WNK1: variants seen among roughly 807,000 people sequenced by gnomAD.
WNK1 encodes the protein WNK lysine deficient protein kinase 1, also known as serine/threonine-protein kinase WNK1.
A neutral mutation model predicts 222.8 loss-of-function variants in WNK1; 38 were observed. The ratio of observed to expected loss-of-function variants is 0.17; its 90% CI spans 0.13 to 0.22. The LOEUF (loss-of-function observed/expected upper bound fraction) is 0.22, where lower values mean the gene tolerates loss of function less well. Ranked by LOEUF, WNK1 falls within the 10% of genes least tolerant of loss-of-function variation. The probability of loss-of-function intolerance (pLI) is 1.00; values close to 1 mark genes in which losing one functional copy is unlikely to be tolerated. For synonymous variants in WNK1, 1,090 were observed against 1,092.9 expected (o/e 1.00, Z 0.05); for missense variants, 2,348 against 2,918.4 (o/e 0.80, Z 4.50).
At chr12:887,530 A>AT (rs963060376) in intron 20 of WNK1, among the ~76,000 whole-genome samples, 11 of 150,694 alleles carry the variant, frequency 7.3e-5, no homozygotes, top group East Asian at 3.9e-4. Flanking sequence ...CTTGATACTA[A>AT]TTTTTTTTTT....
In WNK1 at chr12:880,034, A is replaced by G; in HGVS notation, c.2832+3A>G. 5 of 1,613,816 alleles carry G rather than the reference A, an allele frequency of 3.1e-6. No homozygotes were observed. The highest frequency in any genetic ancestry group is 4.2e-6 in the Non-Finnish European group (5 of 1,179,906). ...CCTCTGGAGATGTTCTGTACCAGGT[A>G]TTGTGTTAGTTAGCAAAAGAGGGCA... On this transcript the variant is annotated splice_donor_region_variant and intron_variant, in intron 11 of 27. Coordinates refer to ENST00000315939, the MANE Select transcript of WNK1 (RefSeq NM_018979.4).
At chr12:891,255 C>T (rs1243620190) in intron 22 of WNK1, among the ~76,000 whole-genome samples, 1 of 152,190 alleles carries the variant, frequency 6.6e-6, no homozygotes, top group Non-Finnish European at 1.5e-5. Flanking sequence ...TTTCCTGCCT[C>T]AGCCTCCCAA....
chr12:865,527 C>T (rs1592082535), intron 8 of WNK1, among the ~76,000 whole-genome samples: 1 of 152,126 alleles, frequency 6.6e-6, no homozygotes, highest in African/African-American at 2.4e-5. Flanking sequence ...TGTAATAAGG[C>T]TTTAAGGGGG....
Position 860,901 on chromosome 12 carries a change from C to A in WNK1, c.1621-112C>A, listed in dbSNP as rs370731181. On this transcript the variant is annotated intron_variant, in intron 6 of 27. Coordinates refer to ENST00000315939, the MANE Select transcript of WNK1 (RefSeq NM_018979.4). ...AGTCCTGAGAGAATTCTTTCTTCCT[C>A]CTCTTCTCTACTTTTTTTACAATGC... 8.9e-5 allele frequency: 89 copies of A among 996,780 alleles called. No homozygotes were observed. The East Asian group carries it at 1.9e-3, about 22-fold the overall frequency. The allele number at this position is 996,780 out of a possible 1,614,324, so 61.7% of individuals were successfully genotyped here. A position where few individuals can be genotyped will look rare whatever the true frequency, so the allele number is the denominator to read the frequency against.
intron 19 of WNK1, among the ~76,000 whole-genome samples, chr12:886,545 TACAG>T (rs1410379297): frequency 1.4e-5 from 2 of 143,198 alleles, no homozygotes; most frequent in African/African-American, 5.2e-5. Context: ...AGGAAATTGA[TACAG>T]AGGAGAAATA....
intron 24 of WNK1, 67 bp downstream of exon 24, chr12:896,799 A>G: frequency 3.2e-6 from 5 of 1,551,192 alleles, no homozygotes; most frequent in South Asian, 2.3e-5. Context: ...CAGGGCCAAG[A>G]TTAATAATAT....
At chr12:852,843 A>G (rs1950512753) in intron 4 of WNK1, among the ~76,000 whole-genome samples, 1 of 152,152 alleles carries the variant, frequency 6.6e-6, no homozygotes, top group Non-Finnish European at 1.5e-5. Context: ...GTCCCAGATG[A>G]CTTTTCTGTG....
intron 1 of WNK1, among the ~76,000 whole-genome samples, chr12:791,777 T>C (rs1361216364): frequency 6.7e-6 from 1 of 149,018 alleles, no homozygotes; most frequent in Non-Finnish European, 1.5e-5. Context: ...TCTTGATAAT[T>C]TTTTTTATCT....
intron 10 of WNK1, among the ~76,000 whole-genome samples, 189 bp downstream of exon 10, chr12:878,550 A>G (rs536582099): frequency 6.6e-6 from 1 of 152,238 alleles, no homozygotes. Flanking sequence ...GTGCATATGC[A>G]TTATTTAATG....
At chr12:792,414 G>C (rs986808786) in intron 1 of WNK1, among the ~76,000 whole-genome samples, 3 of 147,634 alleles carry the variant, frequency 2.0e-5, no homozygotes, top group Admixed American at 7.0e-5. Flanking sequence ...CCAGCCTCAA[G>C]TGATTCTCCC....
rs927179576 is a variant in WNK1, at chr12:764,017, A to G, written c.759+9693A>G. Among the ~76,000 whole-genome samples, 6 of 147,722 alleles carry G rather than the reference A, an allele frequency of 4.1e-5. 1 individual carries two copies. The highest frequency in any genetic ancestry group is 1.5e-4 in the African/African-American group (6 of 41,090). Reference sequence around the variant, plus strand: ...TAAGAAGTTCAATAGGCAGTTGGATATATTACTAAAACTTGAAGACTAGGT... The same window carrying G: ...TAAGAAGTTCAATAGGCAGTTGGATGTATTACTAAAACTTGAAGACTAGGT... On this transcript the variant is annotated intron_variant, in intron 1 of 27. Coordinates refer to ENST00000315939, the MANE Select transcript of WNK1 (RefSeq NM_018979.4).
intron 1 of WNK1, among the ~76,000 whole-genome samples, chr12:770,970 G>A (rs79256010): frequency 0.068 from 10,321 of 152,132 alleles, 415 homozygotes; most frequent in African/African-American, 0.085. Flanking sequence ...TTTGGAATAC[G>A]TTAAATGCAT....
intron 4 of WNK1, among the ~76,000 whole-genome samples, chr12:847,773 C>A: frequency 7.1e-6 from 1 of 141,542 alleles, no homozygotes; most frequent in Admixed American, 7.2e-5. Flanking sequence ...ACTCCATAGT[C>A]AACTAGTTGA....
chr12:859,707 A>T (rs538417132), intron 6 of WNK1, among the ~76,000 whole-genome samples: 8 of 140,320 alleles, frequency 5.7e-5, no homozygotes, highest in African/African-American at 2.1e-4. Context: ...TTAAAAGTAA[A>T]TTTTTTTTTT....
chr12:791,907 TCC>T (rs1015011877), intron 1 of WNK1, among the ~76,000 whole-genome samples: 5 of 152,168 alleles, frequency 3.3e-5, no homozygotes, highest in African/African-American at 1.2e-4. Flanking sequence ...TGCCTCCACT[TCC>T]CAGACTCCAA....
chr12:766,667 C>T (rs1276160594), intron 1 of WNK1, among the ~76,000 whole-genome samples: 1 of 151,824 alleles, frequency 6.6e-6, no homozygotes, highest in Non-Finnish European at 1.5e-5. Context: ...TTAGTAGAGA[C>T]GAGGTTTCAC....
chr12:830,193 G>T, intron 4 of WNK1, 33 bp downstream of exon 4: 1 of 1,611,942 alleles, frequency 6.2e-7, no homozygotes, highest in South Asian at 1.1e-5. Flanking sequence ...GTTGAACTTG[G>T]GGCATATCTA....
intron 26 of WNK1, among the ~76,000 whole-genome samples, chr12:902,010 G>T (rs1349464326): frequency 1.3e-5 from 2 of 151,792 alleles, no homozygotes; most frequent in African/African-American, 2.4e-5. Context: ...AGAAATGAGA[G>T]AAATCAGCCA....
intron 1 of WNK1, among the ~76,000 whole-genome samples, chr12:765,248 A>C (rs1941543729): frequency 6.8e-6 from 1 of 148,132 alleles, no homozygotes; most frequent in South Asian, 2.2e-4. Flanking sequence ...TGGATTGCAC[A>C]GATAAAGAAC....
Sources: gnomAD v4.1 joint callset for allele counts (sites outside exome capture counted in the v4.1 genomes callset) on GRCh38, gnomAD v4.1.1 for gene constraint, MANE v1.5 for transcripts, NCBI Gene and HGNC (gene_info 2026-07-23, HGNC 2026-07-21) for gene names.